Variants in CIT observed in about 807,000 individuals in gnomAD.
CIT encodes citron Rho-interacting kinase.
In CIT, 79 loss-of-function variants were observed where a neutral mutation model predicts 272.7. The observed-to-expected ratio is 0.29, with a 90% CI of 0.24 to 0.35. The LOEUF (loss-of-function observed/expected upper bound fraction) is 0.35, where lower values mean the gene tolerates loss of function less well. CIT is among the 10% of genes least tolerant of loss of function. The pLI is 1.00. For synonymous variants in CIT, 948 were observed against 995.6 expected (o/e 0.95, Z 0.90); for missense variants, 1,909 against 2,618.3 (o/e 0.73, Z 5.91).
chr12:119,874,222 C>A lies in CIT; in HGVS notation c.96+1851G>T, dbSNP rs185165854. On this transcript the variant is annotated intron_variant, in intron 2 of 47. Coordinates refer to ENST00000392521, the MANE Select transcript of CIT (RefSeq NM_001206999.2). Reference sequence around the variant, plus strand: ...AGCTGGGATTACAGGTACATGCGACCACCATGCCCAGCTAATTTTCTATAT... The same window carrying A: ...AGCTGGGATTACAGGTACATGCGACAACCATGCCCAGCTAATTTTCTATAT... Among the ~76,000 whole-genome samples, 200 of 152,220 alleles carry A rather than the reference C, an allele frequency of 1.3e-3. 1 individual carries two copies. The highest frequency in any genetic ancestry group is 4.5e-3 in the African/African-American group (185 of 41,522).
At position 119,792,019 on chromosome 12, in the gene CIT, T is replaced by A. The variant is rs76728710; in HGVS notation, c.1296-6954A>T. Among the ~76,000 whole-genome samples the A allele has an allele frequency of 3.1e-3, 476 of 152,242 alleles. 1 individual carries two copies. Among genetic ancestry groups the A allele is most frequent in the African/African-American group, 0.011 (462 of 41,534 alleles). On this transcript the variant is annotated intron_variant, in intron 10 of 47. Coordinates refer to ENST00000392521, the MANE Select transcript of CIT (RefSeq NM_001206999.2). Reference sequence around the variant, plus strand: ...TACCTGTAAATAATCCATATAACTTTGTTAAAAAAAATTACTTAATAGGGC... The same window carrying A: ...TACCTGTAAATAATCCATATAACTTAGTTAAAAAAAATTACTTAATAGGGC...
chr12:119,870,979 C>T (rs754084552), intron 2 of CIT, among the ~76,000 whole-genome samples: 7 of 151,886 alleles, frequency 4.6e-5, no homozygotes, highest in Non-Finnish European at 8.8e-5. Context: ...ATTAGCCGGG[C>T]GTGGAGGCAC....
In CIT at chr12:119,690,640, T is replaced by C. The variant is rs1205551232; in HGVS notation, c.5883-186A>G. On this transcript the variant is annotated intron_variant, in intron 46 of 47. Transcript: ENST00000392521. The surrounding 1 kb of genome is among the most constrained non-coding windows in gnomAD (Gnocchi z 6.0). ...GCAAAGACAGGGAAGAGAGCAAAGA[T>C]GGCAACAAAAGACAACCCACCTTCC... 6.6e-6 allele frequency among the ~76,000 whole-genome samples: 1 copy of C among 152,224 alleles called. No individual in the cohort carries two copies. The highest frequency in any genetic ancestry group is 2.4e-5 in the African/African-American group (1 of 41,464).
chr12:119,840,531 CCAAAGGCAA>C (rs2138177385), intron 5 of CIT, among the ~76,000 whole-genome samples: 1 of 152,188 alleles, frequency 6.6e-6, no homozygotes, highest in East Asian at 1.9e-4. Flanking sequence ...AAAGAACCTC[CCAAAGGCAA>C]CAATACACTC....
chr12:119,806,133 A>G (rs1796127), intron 9 of CIT, among the ~76,000 whole-genome samples: 92,004 of 122,894 alleles, frequency 0.75, 34,139 homozygotes, highest in East Asian at 0.97. Context: ...GCGAAACACC[A>G]TCTCAAAAAA....
chr12:119,817,911 TA>T (rs397939625), intron 9 of CIT, among the ~76,000 whole-genome samples: 3,351 of 140,368 alleles, frequency 0.024, 41 homozygotes, highest in Non-Finnish European at 0.025. Flanking sequence ...CTCCATCACT[TA>T]AAAAAAAAAA....
intron 3 of CIT, among the ~76,000 whole-genome samples, chr12:119,868,057 T>C (rs1001172859): frequency 3.9e-5 from 6 of 152,102 alleles, no homozygotes; most frequent in Admixed American, 3.3e-4. Context: ...AGTAAGACCC[T>C]ATCTCTACAG....
In CIT at chr12:119,747,939, G is replaced by A. The variant is rs912054028; in HGVS notation, c.2904+4111C>T. On this transcript the variant is annotated intron_variant, in intron 23 of 47. Coordinates refer to ENST00000392521, the MANE Select transcript of CIT (RefSeq NM_001206999.2). ...AGCACTTTGAGAGACCAAGGCAGGC[G>A]AATTGCTTGAGCCCAGGAGTTCAAG... Among the ~76,000 whole-genome samples, 16 of 152,084 alleles carry A rather than the reference G, an allele frequency of 1.1e-4. 1 individual carries two copies. The highest frequency in any genetic ancestry group is 5.9e-4 in the Admixed American group (9 of 15,266).
Position 119,721,439 on chromosome 12 carries a change from A to C in CIT, c.3602T>G (p.Leu1201Ter). The C allele has an allele frequency of 6.2e-7, 1 of 1,607,114 alleles. No individual in the cohort carries two copies. The highest frequency in any genetic ancestry group is 8.5e-7 in the Non-Finnish European group (1 of 1,174,372). The part of the protein sequence containing the change: ...KQRLLEEQAK[L>*]QQQMDLQKNH... ...TTTCTGCAGGTCCATCTGCTGCTGT[A>C]ATTTGGCTTGCTAGTGGGGAGAAGG... Residue 1201 changes from leucine (L) to a stop codon, truncating the protein, a stop_gained, in exon 29 of 48, where the codon TTA becomes TGA. Transcript: ENST00000392521. LOFTEE classifies it high-confidence loss of function.
At chr12:119,847,459 T>C (rs2138226513) in intron 5 of CIT, among the ~76,000 whole-genome samples, 1 of 151,744 alleles carries the variant, frequency 6.6e-6, no homozygotes, top group African/African-American at 2.4e-5. Flanking sequence ...CTGGGCACGG[T>C]GGCACACGCC....
intron 3 of CIT, among the ~76,000 whole-genome samples, chr12:119,858,715 G>A (rs1252697985): frequency 1.3e-5 from 2 of 151,790 alleles, no homozygotes; most frequent in African/African-American, 2.4e-5. Flanking sequence ...CCAGCTACTT[G>A]GGAGGCTGAG....
chr12:119,700,536 C>T (rs1956498435), intron 44 of CIT, among the ~76,000 whole-genome samples: 1 of 152,184 alleles, frequency 6.6e-6, no homozygotes, highest in Admixed American at 6.5e-5. Flanking sequence ...GCACATGCCA[C>T]CATGCCTGGC....
At chr12:119,737,452 A>G (rs1381485745) in intron 24 of CIT, among the ~76,000 whole-genome samples, 2 of 151,952 alleles carry the variant, frequency 1.3e-5, no homozygotes, top group Non-Finnish European at 2.9e-5. Context: ...GACTTTGGGT[A>G]CCTGCTTTCT....
chr12:119,833,434 A>C (rs1968778688), intron 6 of CIT, among the ~76,000 whole-genome samples: 1 of 152,128 alleles, frequency 6.6e-6, no homozygotes, highest in Non-Finnish European at 1.5e-5. Flanking sequence ...TGGGAGGACA[A>C]GGTGGGTGGA....
At chr12:119,821,326 A>G (rs1385144163) in intron 9 of CIT, among the ~76,000 whole-genome samples, 1 of 152,182 alleles carries the variant, frequency 6.6e-6, no homozygotes, top group African/African-American at 2.4e-5. Flanking sequence ...TTTAAAGCAA[A>G]TACATTTTGT....
rs756933114 is a variant in CIT, at chr12:119,704,414, T to C, written c.5253A>G (p.Lys1751=). ...GLCICAAMPS[K]VVILRYNENL... ...TTTCGTTGTAGCGGAGAATGACGAC[T>C]TTGCTGGGCATGGCTGCACAGATGC... The change falls in exon 41 of 48, where the codon AAA becomes AAG. Residue 1751 remains lysine, a synonymous_variant. Coordinates refer to ENST00000392521, the MANE Select transcript of CIT (RefSeq NM_001206999.2). 5.6e-6 allele frequency: 9 copies of C among 1,613,868 alleles called. No individual in the cohort carries two copies. The highest frequency in any genetic ancestry group is 7.6e-6 in the Non-Finnish European group (9 of 1,179,890).
In CIT at chr12:119,804,095, ACC is replaced by A; in HGVS notation, c.1112-708_1112-707del. On this transcript the variant is annotated intron_variant, in intron 9 of 47. Transcript: ENST00000392521. The surrounding 1 kb of genome is among the most constrained non-coding windows in gnomAD (Gnocchi z 5.3). ...GAAGCACCAGCCAAATAAAGTTCCTACCGGTGATCTACAGCACCCCTGCGCGC... is the reference window on the plus strand; with the variant it reads ...GAAGCACCAGCCAAATAAAGTTCCTAGGTGATCTACAGCACCCCTGCGCGC... 1.1e-6 allele frequency: 1 copy of A among 882,318 alleles called. No individual in the cohort carries two copies. The highest frequency in any genetic ancestry group is 1.4e-6 in the Non-Finnish European group (1 of 736,198). The allele number at this position is 882,318 out of a possible 1,614,324, so 54.7% of individuals were successfully genotyped here.
chr12:119,813,920 C>CT (rs996754328), intron 9 of CIT, among the ~76,000 whole-genome samples: 36 of 152,088 alleles, frequency 2.4e-4, no homozygotes, highest in African/African-American at 7.5e-4. Flanking sequence ...GCATTCTGGA[C>CT]TTTTTTTTCA....
chr12:119,812,818 C>T (rs974788969), intron 9 of CIT, among the ~76,000 whole-genome samples: 2 of 151,014 alleles, frequency 1.3e-5, no homozygotes, highest in African/African-American at 4.9e-5. Context: ...CGGCTAGTCT[C>T]ACCCTTCTAC....
Sources: gnomAD v4.1 joint callset for allele counts (sites outside exome capture counted in the v4.1 genomes callset) on GRCh38, gnomAD v4.1.1 for gene constraint, Gnocchi (gnomAD v3.1) non-coding constraint, MANE v1.5 for transcripts, NCBI Gene and HGNC (gene_info 2026-07-23, HGNC 2026-07-21) for gene names.